CDH18: variants seen among roughly 807,000 people sequenced by gnomAD.
CDH18 encodes the protein cadherin-18.
A neutral mutation model predicts 67.9 loss-of-function variants in CDH18; 31 were observed. The observed-to-expected ratio is 0.46, with a 90% confidence interval of 0.34 to 0.62. CDH18 has a LOEUF of 0.62. CDH18 is among the 20% of genes least tolerant of loss of function. The pLI, the probability that CDH18 is intolerant of heterozygous loss-of-function variation, is 0.01. For missense variants in CDH18, 890 were observed against 975.5 expected (o/e 0.91, Z 1.17); for synonymous variants, 362 against 347.2 (o/e 1.04, Z -0.48).
intron 4 of CDH18, among the ~76,000 whole-genome samples, chr5:19,737,476 T>C (rs1299257315): frequency 6.6e-6 from 1 of 152,156 alleles, no homozygotes; most frequent in African/African-American, 2.4e-5. Context: ...TTTTTCAGAT[T>C]ACTTGGTGCC....
intron 2 of CDH18, among the ~76,000 whole-genome samples, chr5:20,013,021 C>T (rs1737588895): frequency 2.0e-5 from 3 of 152,010 alleles, no homozygotes. Flanking sequence ...CATGTTTACC[C>T]ATGTAAAAAA....
intron 2 of CDH18, among the ~76,000 whole-genome samples, chr5:20,151,158 C>A (rs1054871106): frequency 6.6e-6 from 1 of 151,952 alleles, no homozygotes; most frequent in African/African-American, 2.4e-5. Flanking sequence ...CTTTCTCTCC[C>A]CACCCTGGTA....
intron 5 of CDH18, among the ~76,000 whole-genome samples, chr5:19,682,756 A>G (rs991994887): frequency 1.3e-5 from 2 of 152,084 alleles, no homozygotes; most frequent in Non-Finnish European, 2.9e-5. Flanking sequence ...TATTTGCCCA[A>G]AAAGCAAGGC....
intron 2 of CDH18, among the ~76,000 whole-genome samples, chr5:20,078,775 T>A (rs1353311865): frequency 6.6e-6 from 1 of 151,670 alleles, no homozygotes; most frequent in East Asian, 2.0e-4. Context: ...GCTAATATAT[T>A]TTTTTTGTGT....
At chr5:20,099,484 A>G (rs931935506) in intron 2 of CDH18, among the ~76,000 whole-genome samples, 15 of 152,066 alleles carry the variant, frequency 9.9e-5, no homozygotes, top group African/African-American at 3.6e-4. Flanking sequence ...TTAAACATTC[A>G]TTTTTTTCAG....
chr5:19,951,674 G>A (rs1029323063), intron 2 of CDH18, among the ~76,000 whole-genome samples: 2 of 152,094 alleles, frequency 1.3e-5, no homozygotes, highest in South Asian at 2.1e-4. Flanking sequence ...AAATGATTGC[G>A]TTTTTAGGAA....
rs193293797 is a variant in CDH18, at chr5:20,533,023, G to A, written c.-580+42439C>T. On this transcript the variant is annotated intron_variant, in intron 1 of 14. Coordinates refer to the CDH18 transcript ENST00000507958. The stretch of plus-strand genomic sequence containing the variant: ...CGTTTTTTGGAGACATCTTTCCAGC[G>A]GTGATCAAGTTAAAATGAGGCCATT... Among the ~76,000 whole-genome samples, 396 of 151,926 alleles carry A rather than the reference G, an allele frequency of 2.6e-3. 1 individual carries two copies. Among genetic ancestry groups the A allele is most frequent in the Non-Finnish European group, 3.5e-3 (240 of 67,948 alleles).
At chr5:19,530,560 T>A (rs1192529791) in intron 9 of CDH18, among the ~76,000 whole-genome samples, 1 of 152,130 alleles carries the variant, frequency 6.6e-6, no homozygotes, top group African/African-American at 2.4e-5. Context: ...ATTAGGTATA[T>A]CTCCCAGTGC....
intron 2 of CDH18, among the ~76,000 whole-genome samples, chr5:20,082,938 T>C (rs1444445802): frequency 6.6e-6 from 1 of 152,190 alleles, no homozygotes; most frequent in Non-Finnish European, 1.5e-5. Flanking sequence ...TTGTACCCTT[T>C]GGAACTGTGA....
chr5:19,697,352 A>G (rs2150455812), intron 5 of CDH18, among the ~76,000 whole-genome samples: 1 of 152,330 alleles, frequency 6.6e-6, no homozygotes, highest in African/African-American at 2.4e-5. Flanking sequence ...GCTCATATAA[A>G]TAGAACTACA....
intron 1 of CDH18, among the ~76,000 whole-genome samples, chr5:20,280,399 C>A (rs1407346754): frequency 1.3e-5 from 2 of 152,076 alleles, no homozygotes; most frequent in Non-Finnish European, 2.9e-5. Context: ...TGATGTTCCC[C>A]TTCCTGTGAC....
Position 20,046,675 on chromosome 5 carries a change from T to C in CDH18, c.-517-54661A>G, listed in dbSNP as rs113866419. Among the ~76,000 whole-genome samples the C allele has an allele frequency of 1.4e-3, 207 of 149,694 alleles. 1 individual carries two copies. The highest frequency in any genetic ancestry group is 4.6e-3 in the African/African-American group (191 of 41,084). On this transcript the variant is annotated intron_variant, in intron 2 of 14. Transcript: ENST00000507958. ...ATGTCTGTGTGAATATGTGTGTGTG[T>C]GTATATATATATCTCTATATATATA...
chr5:19,477,931 G>A (rs1252034727), intron 12 of CDH18, among the ~76,000 whole-genome samples: 2 of 151,982 alleles, frequency 1.3e-5, no homozygotes, highest in Non-Finnish European at 2.9e-5. Flanking sequence ...CATGTCTTTA[G>A]TCTAAAATAA....
At chr5:19,787,439 G>A (rs55942276) in intron 3 of CDH18, among the ~76,000 whole-genome samples, 8,938 of 150,950 alleles carry the variant, frequency 0.059, 332 homozygotes, top group Non-Finnish European at 0.081. Flanking sequence ...GCAACAGAGC[G>A]AGACTGTTTC....
chr5:20,327,825 G>T (rs986087699), intron 1 of CDH18, among the ~76,000 whole-genome samples: 2 of 151,926 alleles, frequency 1.3e-5, no homozygotes, highest in African/African-American at 4.8e-5. Context: ...ATCACTAGAG[G>T]CCGGGAGTTC....
intron 2 of CDH18, among the ~76,000 whole-genome samples, chr5:20,187,247 G>A (rs1738172116): frequency 6.6e-6 from 1 of 151,700 alleles, no homozygotes; most frequent in African/African-American, 2.4e-5. Context: ...TGTACATATG[G>A]CCATAGATAA....
intron 1 of CDH18, among the ~76,000 whole-genome samples, chr5:20,405,076 GA>G (rs1237592574): frequency 6.6e-6 from 1 of 151,956 alleles, no homozygotes; most frequent in East Asian, 1.9e-4. Context: ...ACAGAATTGG[GA>G]AAAAATTAGT....
intron 1 of CDH18, among the ~76,000 whole-genome samples, chr5:20,370,003 C>CT (rs1742843466): frequency 6.6e-6 from 1 of 152,126 alleles, no homozygotes; most frequent in Non-Finnish European, 1.5e-5. Flanking sequence ...ATTAGCTATT[C>CT]TTCCTGATGT....
intron 5 of CDH18, among the ~76,000 whole-genome samples, chr5:19,717,413 AG>A (rs1389981981): frequency 4.7e-5 from 1 of 21,178 alleles, no homozygotes; most frequent in Non-Finnish European, 3.2e-3. Context: ...GGAAATGGAA[AG>A]TTTCCATTCT....
Sources: allele counts gnomAD v4.1 joint callset (sites outside exome capture counted in the v4.1 genomes callset), GRCh38; gene constraint gnomAD v4.1.1; transcripts MANE v1.5; gene names NCBI Gene and HGNC (gene_info 2026-07-23, HGNC 2026-07-21).